The following CTR9 variants were observed in gnomAD, a reference collection of about 807,000 sequenced individuals.
CTR9 encodes RNA polymerase-associated protein CTR9 homolog.
Under a neutral mutation model 152.1 loss-of-function variants are expected in CTR9, and 41 were observed. The ratio of observed to expected loss-of-function variants is 0.27; its 90% confidence interval spans 0.21 to 0.35. CTR9 has a LOEUF of 0.35. Among genes scored for constraint, CTR9 ranks in the 10% least tolerant of loss-of-function variants. The probability of loss-of-function intolerance (pLI) is 1.00; values close to 1 mark genes in which losing one functional copy is unlikely to be tolerated. For missense variants in CTR9, 917 were observed against 1,424.4 expected (o/e 0.64, Z 5.73); for synonymous variants, 476 against 496.2 (o/e 0.96, Z 0.54).
At chr11:10,766,372 G>T in intron 12 of CTR9, 30 bp from the exon 13 acceptor site, 1 of 1,491,554 alleles carries the variant, frequency 6.7e-7, no homozygotes, top group Non-Finnish European at 9.2e-7. Flanking sequence ...CTAATATTTG[G>T]GATATAAAAA....
chr11:10,762,616 G>A (rs1316934666), intron 7 of CTR9, among the ~76,000 whole-genome samples: 2 of 152,216 alleles, frequency 1.3e-5, no homozygotes, highest in African/African-American at 4.8e-5. Flanking sequence ...TAGGGAACAA[G>A]GAGTCACTGA....
intron 24 of CTR9, among the ~76,000 whole-genome samples, chr11:10,775,846 A>C (rs1419551051): frequency 6.6e-6 from 1 of 152,172 alleles, no homozygotes; most frequent in Non-Finnish European, 1.5e-5. Context: ...TTAGAATCTG[A>C]GAGCTGGAAG....
At chr11:10,776,741 C>T (rs977978064) in intron 24 of CTR9, among the ~76,000 whole-genome samples, 4 of 151,878 alleles carry the variant, frequency 2.6e-5, no homozygotes, top group South Asian at 2.1e-4. Flanking sequence ...GAGAGGCCAA[C>T]GTGGGCGGAT....
Position 10,775,509 on chromosome 11 carries a change from G to T in CTR9, c.2983-12G>T. The T allele has an allele frequency of 1.2e-6, 2 of 1,603,284 alleles. No individual in the cohort carries two copies. The highest frequency in any genetic ancestry group is 2.2e-5 in the South Asian group (2 of 90,032). ...GAGTCTTGACTAATCTATTATGTTT[G>T]ACATTCTTTAGCCCAAGCCAGAACG... On this transcript the variant is annotated splice_polypyrimidine_tract_variant and intron_variant, in intron 23 of 24. Transcript: ENST00000361367.
chr11:10,761,715 C>T (rs549736034), intron 6 of CTR9, among the ~76,000 whole-genome samples: 1 of 151,796 alleles, frequency 6.6e-6, no homozygotes, highest in African/African-American at 2.4e-5. Context: ...CAAGCAAGAA[C>T]TGAACAAGAA....
intron 24 of CTR9, among the ~76,000 whole-genome samples, chr11:10,776,804 C>T (rs562625240): frequency 3.0e-4 from 46 of 151,772 alleles, no homozygotes; most frequent in Admixed American, 9.2e-4. Context: ...AAAACCCCAT[C>T]CCTACTAAAA....
chr11:10,775,752 A>T (rs1863223265), intron 24 of CTR9, 119 bp downstream of exon 24: 7 of 631,908 alleles, frequency 1.1e-5, no homozygotes, highest in Non-Finnish European at 1.5e-5. Flanking sequence ...TATAAATAAT[A>T]AGAGGGGTGG....
chr11:10,757,777 C>T (rs76345715), intron 5 of CTR9, among the ~76,000 whole-genome samples: 1,703 of 151,862 alleles, frequency 0.011, 81 homozygotes, highest in Admixed American at 0.083. Context: ...TTTCAGTGGG[C>T]AAGATAAATA....
intron 7 of CTR9, among the ~76,000 whole-genome samples, chr11:10,763,068 A>C (rs543305033): frequency 6.6e-6 from 1 of 151,184 alleles, no homozygotes; most frequent in African/African-American, 2.4e-5. Flanking sequence ...TAATTCTATG[A>C]TGTAGGTAAT....
At position 10,763,330 on chromosome 11, in the gene CTR9, G is replaced by A. The variant is rs1477486315; in HGVS notation, c.850-101G>A. Reference sequence around the variant, plus strand: ...AAGGCAACTATTTATGAAGAAGATGGAAATGTATCTTACAGGTAAACGAAG... The same window carrying A: ...AAGGCAACTATTTATGAAGAAGATGAAAATGTATCTTACAGGTAAACGAAG... On this transcript the variant is annotated intron_variant, in intron 7 of 24. Transcript: ENST00000361367. 6 of 775,968 alleles carry A rather than the reference G, an allele frequency of 7.7e-6. No homozygotes were observed. In the East Asian group the frequency reaches 1.5e-4, roughly 20 times the overall value. 48.1% of individuals were successfully genotyped at this position (775,968 alleles called of 1,614,324 possible).
rs779025831 is a variant in CTR9, at chr11:10,771,533, C to T, written c.2373-12C>T. 34 of 1,554,518 alleles carry T rather than the reference C, an allele frequency of 2.2e-5. No individual in the cohort carries two copies. The African/African-American group carries it at 2.3e-4, about 11-fold the overall frequency. On this transcript the variant is annotated splice_polypyrimidine_tract_variant and intron_variant, in intron 18 of 24. Transcript: ENST00000361367. ...TTTTTTTAAAAGTGAAGTATTTTCT[C>T]GTTTCATTTAGATACTTCAGTTATT... is the stretch of plus-strand genomic sequence containing the variant.
At position 10,772,579 on chromosome 11, in the gene CTR9, A is replaced by C; in HGVS notation, c.2504A>C (p.Asp835Ala). The change falls in exon 20 of 25, where the codon GAT becomes GCT. Residue 835 changes from aspartate to alanine, a missense_variant. Physicochemically the swap from Asp to Ala is moderately radical, Grantham distance 126 (BLOSUM62 -2). Transcript: ENST00000361367. The part of the protein sequence containing the change: ...QYHVARARKQ[D>A]EEERELRAKQ... ...CATGTGGCCCGGGCACGCAAACAAGATGAAGAAGAGCGGGAGCTGCGGGCC... is the reference window on the plus strand; with the variant it reads ...CATGTGGCCCGGGCACGCAAACAAGCTGAAGAAGAGCGGGAGCTGCGGGCC... 6.2e-7 allele frequency: 1 copy of C among 1,612,172 alleles called. No homozygotes were observed. Among genetic ancestry groups the C allele is most frequent in the East Asian group, 2.2e-5 (1 of 44,752 alleles).
rs746413564 is a variant in CTR9, at chr11:10,778,733, G to A, written c.3150G>A (p.Lys1050=). ...NSDSDEDEQR[K]KCASSESDSD... is the part of the protein sequence containing the mutation. ...ACTCAGACGAGGACGAACAACGAAA[G>A]AAATGTGCCTCATCAGAGAGTGATT... The change falls in exon 25 of 25, where the codon AAG becomes AAA. Residue 1050 remains lysine, a synonymous_variant. Coordinates refer to ENST00000361367, the MANE Select transcript of CTR9 (RefSeq NM_014633.5). 12 of 1,614,012 alleles carry A rather than the reference G, an allele frequency of 7.4e-6. No individual in the cohort carries two copies. The highest frequency in any genetic ancestry group is 1.7e-5 in the Admixed American group (1 of 59,992).
At chr11:10,751,530 C>G (rs1862801630) in intron 1 of CTR9, 73 bp downstream of exon 1, 2 of 1,461,270 alleles carry the variant, frequency 1.4e-6, no homozygotes, top group Middle Eastern at 1.7e-4. Flanking sequence ...CGCTCGACTT[C>G]GTTTCTGAAG....
At chr11:10,751,680 T>C (rs1478495850) in intron 1 of CTR9, among the ~76,000 whole-genome samples, 2 of 152,196 alleles carry the variant, frequency 1.3e-5, no homozygotes, top group Admixed American at 6.5e-5. Context: ...GAAGGAGTTC[T>C]TGAAAGTTCC....
Position 10,752,786 on chromosome 11 carries a change from G to C in CTR9, c.144+16G>C, listed in dbSNP as rs774896371. 1.5e-5 allele frequency: 24 copies of C among 1,590,804 alleles called. No homozygotes were observed. The highest frequency in any genetic ancestry group is 2.7e-5 in the African/African-American group (2 of 74,350). On this transcript the variant is annotated intron_variant, in intron 2 of 24. Coordinates refer to ENST00000361367, the MANE Select transcript of CTR9 (RefSeq NM_014633.5). Reference sequence around the variant, plus strand: ...TGCTTTGGCGGTCAGTATTCATGTAGCAAATATTTTTTATTTGTTGACTAG... The same window carrying C: ...TGCTTTGGCGGTCAGTATTCATGTACCAAATATTTTTTATTTGTTGACTAG...
chr11:10,755,976 A>G (rs576687756), intron 4 of CTR9, among the ~76,000 whole-genome samples, 181 bp downstream of exon 4: 2 of 152,372 alleles, frequency 1.3e-5, no homozygotes, highest in South Asian at 4.1e-4. Flanking sequence ...AATATATACC[A>G]GTTAAGAATA....
At position 10,768,168 on chromosome 11, in the gene CTR9, A is replaced by T. The variant is rs779196974; in HGVS notation, c.1960+7A>T. On this transcript the variant is annotated splice_region_variant and intron_variant, in intron 15 of 24. Coordinates refer to ENST00000361367, the MANE Select transcript of CTR9 (RefSeq NM_014633.5). ...TATGCTGCCAATGGCATAGGTGATTATAAGACTTGAGTACCCATAACAATT... is the reference window on the plus strand; with the variant it reads ...TATGCTGCCAATGGCATAGGTGATTTTAAGACTTGAGTACCCATAACAATT... 6.2e-7 allele frequency: 1 copy of T among 1,611,516 alleles called. No individual in the cohort carries two copies. The highest frequency in any genetic ancestry group is 8.5e-7 in the Non-Finnish European group (1 of 1,177,806).
intron 6 of CTR9, among the ~76,000 whole-genome samples, chr11:10,761,083 G>C (rs1296249378): frequency 1.3e-5 from 2 of 152,124 alleles, no homozygotes; most frequent in African/African-American, 4.8e-5. Flanking sequence ...TGATGTTTTG[G>C]GCTGGATAAT....
Sources: allele counts gnomAD v4.1 joint callset (sites outside exome capture counted in the v4.1 genomes callset), GRCh38; gene constraint gnomAD v4.1.1; transcripts MANE v1.5; gene names NCBI Gene and HGNC (gene_info 2026-07-23, HGNC 2026-07-21).